The following FAF2 variants were observed in gnomAD, a reference collection of about 807,000 sequenced individuals.
FAF2 encodes the protein Fas associated factor family member 2.
FAF2 carries 9 observed loss-of-function variants against 62.3 expected under a neutral mutation model. The ratio of observed to expected loss-of-function variants is 0.14; its 90% CI spans 0.09 to 0.25. The LOEUF (loss-of-function observed/expected upper bound fraction) is 0.25. Among genes scored for constraint, FAF2 ranks in the 10% least tolerant of loss-of-function variants. FAF2 has a pLI of 1.00. For synonymous variants in FAF2, 202 were observed against 198.0 expected (o/e 1.02, Z -0.17); for missense variants, 368 against 556.2 (o/e 0.66, Z 3.40).
intron 2 of FAF2, among the ~76,000 whole-genome samples, chr5:176,480,447 C>G (rs1390527582): frequency 6.6e-6 from 1 of 152,036 alleles, no homozygotes; most frequent in East Asian, 1.9e-4. Flanking sequence ...GGGTCTTGCT[C>G]TGTCACCTGG....
At position 176,500,093 on chromosome 5, in the gene FAF2, T is replaced by C. The variant is rs1755569062; in HGVS notation, c.1102T>C (p.Leu368=). 3 of 1,614,132 alleles carry C rather than the reference T, an allele frequency of 1.9e-6. No homozygotes were observed. The highest frequency in any genetic ancestry group is 2.5e-6 in the Non-Finnish European group (3 of 1,179,990). The part of the protein sequence containing the change: ...DPESVKIIFK[L]PNDSRVERRF... ...TGAAAGTGTCAAGATCATCTTCAAA[T>C]TACCTAATGATTCTCGAGTAGAGAG... The change falls in exon 10 of 11, where the codon TTA becomes CTA. Residue 368 remains leucine, a synonymous_variant. Transcript: ENST00000261942.
chr5:176,498,140 A>T (rs1322788152), intron 8 of FAF2, among the ~76,000 whole-genome samples: 1 of 152,232 alleles, frequency 6.6e-6, no homozygotes, highest in East Asian at 1.9e-4. Flanking sequence ...CCAAAAAAAA[A>T]GAAAAATGCA....
intron 1 of FAF2, among the ~76,000 whole-genome samples, chr5:176,452,589 A>G (rs1758207637): frequency 6.6e-6 from 1 of 152,198 alleles, no homozygotes; most frequent in Non-Finnish European, 1.5e-5. Context: ...CTACTTTGGA[A>G]GAGGAATAGA....
At position 176,494,387 on chromosome 5, in the gene FAF2, C is replaced by T. The variant is rs146327307; in HGVS notation, c.661+112C>T. 47 of 851,532 alleles carry T rather than the reference C, an allele frequency of 5.5e-5. No individual in the cohort carries two copies. Among genetic ancestry groups the T allele is most frequent in the Non-Finnish European group, 7.7e-5 (39 of 504,470 alleles). The allele number at this position is 851,532 out of a possible 1,614,324, so 52.7% of individuals were successfully genotyped here. On this transcript the variant is annotated intron_variant, in intron 7 of 10. Coordinates refer to ENST00000261942, the MANE Select transcript of FAF2 (RefSeq NM_014613.3). This position sits in a 1 kb window ranked among gnomAD's most constrained non-coding sequence, Gnocchi z 4.0. Reference sequence around the variant, plus strand: ...TGTGTTTGTTCTGTGGTAGATACGACGCTAGTTGCTATTTTATATTGTCTC... The same window carrying T: ...TGTGTTTGTTCTGTGGTAGATACGATGCTAGTTGCTATTTTATATTGTCTC...
chr5:176,477,861 A>G (rs752553026), intron 1 of FAF2, among the ~76,000 whole-genome samples: 25 of 152,202 alleles, frequency 1.6e-4, no homozygotes, highest in Non-Finnish European at 2.9e-4. Context: ...TTTCAGACTC[A>G]TCAGTCCATA....
chr5:176,504,646 T>A (rs1312028680), intron 10 of FAF2, among the ~76,000 whole-genome samples: 1 of 152,096 alleles, frequency 6.6e-6, no homozygotes, highest in Non-Finnish European at 1.5e-5. Context: ...GGTGTAAGTC[T>A]AATTGATGCA....
chr5:176,477,023 T>C (rs1758708456), intron 1 of FAF2, among the ~76,000 whole-genome samples: 1 of 151,412 alleles, frequency 6.6e-6, no homozygotes, highest in Non-Finnish European at 1.5e-5. Flanking sequence ...TTAGCCAGGA[T>C]GGTCTCGATC....
At chr5:176,485,074 T>A (rs1758853361) in intron 2 of FAF2, among the ~76,000 whole-genome samples, 1 of 152,198 alleles carries the variant, frequency 6.6e-6, no homozygotes, top group Non-Finnish European at 1.5e-5. Context: ...AAGTGCATAG[T>A]TAAGATGGAA....
At chr5:176,496,827 A>G in intron 8 of FAF2, 164 bp downstream of exon 8, 1 of 483,280 alleles carries the variant, frequency 2.1e-6, no homozygotes, top group African/African-American at 2.0e-5. Context: ...GACCTAAATT[A>G]CTCTATATCA....
chr5:176,477,845 T>G (rs1273058622), intron 1 of FAF2, among the ~76,000 whole-genome samples: 1 of 152,198 alleles, frequency 6.6e-6, no homozygotes, highest in African/African-American at 2.4e-5. Flanking sequence ...AGGCAAGAAC[T>G]TCAGTTTTCA....
rs1759027971 is a variant in FAF2 at position 176,494,421 on chromosome 5, C to T, written c.661+146C>T. ...CTATTTTATATTGTCTCATTTAATC[C>T]TCTCAGCAGTCCTGAGAGATGGGGG... On this transcript the variant is annotated intron_variant, in intron 7 of 10. Transcript: ENST00000261942. This position sits in a 1 kb window ranked among gnomAD's most constrained non-coding sequence, Gnocchi z 4.0. 6 of 696,230 alleles carry T rather than the reference C, an allele frequency of 8.6e-6. No homozygotes were observed. The highest frequency in any genetic ancestry group is 1.3e-5 in the Non-Finnish European group (5 of 390,256). The allele number at this position is 696,230 out of a possible 1,614,324, so 43.1% of individuals were successfully genotyped here. A position where few individuals can be genotyped will look rare whatever the true frequency, so the allele number is the denominator to read the frequency against.
chr5:176,493,289 A>G (rs754351), intron 5 of FAF2, among the ~76,000 whole-genome samples: 75,742 of 151,988 alleles, frequency 0.5, 18,927 homozygotes, highest in Non-Finnish European at 0.52. Context: ...CTGAGCACCT[A>G]CTGTATGCCA....
intron 1 of FAF2, among the ~76,000 whole-genome samples, chr5:176,478,539 T>C (rs749749797): frequency 3.3e-5 from 5 of 152,194 alleles, no homozygotes; most frequent in Admixed American, 6.5e-5. Flanking sequence ...GTTCATATTA[T>C]AAACTAGGTT....
chr5:176,494,574 A>G lies in FAF2; in HGVS notation c.661+299A>G, dbSNP rs1450669112. 1.3e-5 allele frequency among the ~76,000 whole-genome samples: 2 copies of G among 151,996 alleles called. No homozygotes were observed. Among genetic ancestry groups the G allele is most frequent in the African/African-American group, 2.4e-5 (1 of 41,372 alleles). ...TTAATTAATTAAAAAAATTTTTTTG[A>G]GATGGAGTCTTGCTCTGTCGCCCAG... On this transcript the variant is annotated intron_variant, in intron 7 of 10. Coordinates refer to ENST00000261942, the MANE Select transcript of FAF2 (RefSeq NM_014613.3). The surrounding 1 kb of genome is among the most constrained non-coding windows in gnomAD (Gnocchi z 4.0).
At chr5:176,467,594 C>T (rs1051055446) in intron 1 of FAF2, among the ~76,000 whole-genome samples, 2 of 152,180 alleles carry the variant, frequency 1.3e-5, no homozygotes, top group African/African-American at 4.8e-5. Flanking sequence ...GGGCGTGAGC[C>T]ACCACGCCCA....
In FAF2 at chr5:176,455,312, A is replaced by G. The variant is rs372122595; in HGVS notation, c.63+6842A>G. The stretch of plus-strand genomic sequence containing the variant: ...AAAAATTAGCTGGTCGTAGTGGCGC[A>G]TGCCTGTGGGCCTGTGATCCCAGCT... On this transcript the variant is annotated intron_variant, in intron 1 of 10. Transcript: ENST00000261942. 4.6e-5 allele frequency among the ~76,000 whole-genome samples: 7 copies of G among 152,166 alleles called. No individual in the cohort carries two copies. In the East Asian group the frequency reaches 7.7e-4, roughly 17 times the overall value.
intron 10 of FAF2, among the ~76,000 whole-genome samples, chr5:176,503,937 G>A (rs775483517): frequency 1.3e-5 from 2 of 151,964 alleles, no homozygotes; most frequent in Non-Finnish European, 2.9e-5. Context: ...CAAGGCAGGC[G>A]GATCACTTAA....
At chr5:176,455,066 G>C (rs890527043) in intron 1 of FAF2, among the ~76,000 whole-genome samples, 4 of 151,928 alleles carry the variant, frequency 2.6e-5, no homozygotes, top group Admixed American at 1.3e-4. Context: ...CTCTGTCTGG[G>C]GAAATTGCTA....
At chr5:176,466,093 A>G (rs1472866715) in intron 1 of FAF2, among the ~76,000 whole-genome samples, 1 of 152,232 alleles carries the variant, frequency 6.6e-6, no homozygotes, top group Non-Finnish European at 1.5e-5. Flanking sequence ...TGTTTAGTAA[A>G]TGGGAGCTGC....
Sources: gnomAD v4.1 joint callset for allele counts (sites outside exome capture counted in the v4.1 genomes callset) on GRCh38, gnomAD v4.1.1 for gene constraint, Gnocchi (gnomAD v3.1) non-coding constraint, MANE v1.5 for transcripts, NCBI Gene and HGNC (gene_info 2026-07-23, HGNC 2026-07-21) for gene names.